PANK1: variants seen among roughly 807,000 people sequenced by gnomAD.
PANK1 encodes pantothenic acid kinase 1.
A neutral mutation model predicts 40.1 loss-of-function variants in PANK1; 18 were observed. The observed-to-expected ratio is 0.45, with a 90% CI of 0.31 to 0.67. The LOEUF is 0.67. Among genes scored for constraint, PANK1 ranks in the 30% least tolerant of loss-of-function variants. The pLI is 0.06. For missense variants in PANK1, 457 were observed against 599.6 expected (o/e 0.76, Z 2.48); for synonymous variants, 242 against 237.7 (o/e 1.02, Z -0.17).
At chr10:89,628,868 T>G (rs766005255) in intron 1 of PANK1, among the ~76,000 whole-genome samples, 1 of 152,220 alleles carries the variant, frequency 6.6e-6, no homozygotes, top group Non-Finnish European at 1.5e-5. Context: ...TCACTGTACA[T>G]TGATGTCCTC....
chr10:89,626,161 G>A (rs551150963), intron 1 of PANK1: 3 of 152,334 alleles, frequency 2.0e-5, no homozygotes, highest in Admixed American at 2.0e-4. Context: ...TTCTCACGCT[G>A]TGCAGAGGAG....
chr10:89,639,489 T>C (rs1413241795), intron 1 of PANK1, among the ~76,000 whole-genome samples: 4 of 152,194 alleles, frequency 2.6e-5, no homozygotes, highest in African/African-American at 9.7e-5. Flanking sequence ...ATACTTGATA[T>C]ACATTTTCCA....
chr10:89,633,718 C>T (rs1480234442), intron 1 of PANK1, among the ~76,000 whole-genome samples: 2 of 152,034 alleles, frequency 1.3e-5, no homozygotes, highest in Non-Finnish European at 2.9e-5. Flanking sequence ...CACATGAAAC[C>T]AAATATCACA....
chr10:89,599,138 C>G (rs1286520424), intron 3 of PANK1, 114 bp downstream of exon 3: 36 of 970,608 alleles, frequency 3.7e-5, no homozygotes, highest in Non-Finnish European at 5.1e-5. Context: ...TTTTGGTTGG[C>G]CAAGGAGGCC....
Position 89,583,163 on chromosome 10 carries a change from A to G in PANK1, c.*1243T>C, listed in dbSNP as rs1037329896. ...AAAATCCCTTTCAACAATAAGCTCA[A>G]TACACAAGATCATGGGATCTCATGC... On this transcript the variant is annotated 3_prime_UTR_variant, in exon 7 of 7. Transcript: ENST00000307534. 4 of 152,172 alleles carry G rather than the reference A, an allele frequency of 2.6e-5. No individual in the cohort carries two copies. The highest frequency in any genetic ancestry group is 5.9e-5 in the Non-Finnish European group (4 of 68,004). The allele number at this position is 152,172 out of a possible 1,614,324, so 9.4% of individuals were successfully genotyped here.
intron 1 of PANK1, among the ~76,000 whole-genome samples, chr10:89,629,271 C>A (rs995186055): frequency 1.3e-5 from 2 of 152,190 alleles, no homozygotes; most frequent in African/African-American, 2.4e-5. Flanking sequence ...GGGGTTATCA[C>A]TGGCATCCCC....
intron 1 of PANK1, among the ~76,000 whole-genome samples, chr10:89,628,630 T>C (rs1277332370): frequency 6.6e-6 from 1 of 152,224 alleles, no homozygotes; most frequent in Non-Finnish European, 1.5e-5. Flanking sequence ...CTAAAAACCA[T>C]AGAATTGCAT....
At position 89,599,614 on chromosome 10, in the gene PANK1, GAC is replaced by G; in HGVS notation, c.646-111_646-110del. ...GGGTCATTCACATGAAAAGCATGGA[GAC>G]ACCCTTAAAACAAGTTGTAAAATCT... On this transcript the variant is annotated intron_variant, in intron 2 of 6. Transcript: ENST00000307534. 7 of 1,064,582 alleles carry G rather than the reference GAC, an allele frequency of 6.6e-6. No individual in the cohort carries two copies. The South Asian group carries it at 1.1e-4, about 17-fold the overall frequency. The allele number at this position is 1,064,582 out of a possible 1,614,324, so 65.9% of individuals were successfully genotyped here.
intron 3 of PANK1, among the ~76,000 whole-genome samples, chr10:89,595,944 A>G (rs1434770756): frequency 6.8e-6 from 1 of 147,110 alleles, no homozygotes; most frequent in East Asian, 2.0e-4. Context: ...GTTTTCATGG[A>G]AAATTATGTA....
chr10:89,584,807 C>T (rs1450242753), intron 6 of PANK1, among the ~76,000 whole-genome samples: 1 of 152,090 alleles, frequency 6.6e-6, no homozygotes, highest in African/African-American at 2.4e-5. Context: ...AAGTAAATTA[C>T]CCTTGCAGGG....
chr10:89,609,771 G>A (rs1346239583), intron 2 of PANK1, among the ~76,000 whole-genome samples: 2 of 152,198 alleles, frequency 1.3e-5, no homozygotes, highest in South Asian at 2.1e-4. Flanking sequence ...AAGGAGGAAA[G>A]GCTTCTTTAT....
chr10:89,643,970 C>T (rs1842036933), intron 1 of PANK1: 3 of 849,966 alleles, frequency 3.5e-6, no homozygotes, highest in Admixed American at 3.3e-5. Flanking sequence ...ACCTCCAATC[C>T]TCATTGGTCC....
chr10:89,609,120 A>C (rs946258222), intron 2 of PANK1, among the ~76,000 whole-genome samples: 1 of 152,210 alleles, frequency 6.6e-6, no homozygotes, highest in African/African-American at 2.4e-5. Flanking sequence ...GCTGGAGTGC[A>C]ATGGCACGAT....
At chr10:89,637,322 T>G (rs1281867477) in intron 1 of PANK1, among the ~76,000 whole-genome samples, 1 of 152,126 alleles carries the variant, frequency 6.6e-6, no homozygotes, top group Non-Finnish European at 1.5e-5. Context: ...GACGGGTATT[T>G]TCAGAGAAAA....
chr10:89,631,084 C>A (rs1197349851), intron 1 of PANK1, among the ~76,000 whole-genome samples: 1 of 152,190 alleles, frequency 6.6e-6, no homozygotes, highest in Non-Finnish European at 1.5e-5. Flanking sequence ...TGCCTGTACA[C>A]CATTACCTAA....
chr10:89,588,593 G>A (rs1484607592), intron 6 of PANK1, 59 bp downstream of exon 6: 1 of 1,408,738 alleles, frequency 7.1e-7, no homozygotes, highest in Non-Finnish European at 9.4e-7. Flanking sequence ...CTGCTGATAT[G>A]TTAGCCAAAC....
chr10:89,582,943 A>G (rs1844081369), downstream of PANK1: 1 of 152,214 alleles, frequency 6.6e-6, no homozygotes, highest in African/African-American at 2.4e-5. Flanking sequence ...CAGATACTAT[A>G]AACATGAGAA....
At chr10:89,633,586 G>A (rs1222806251) in intron 1 of PANK1, among the ~76,000 whole-genome samples, 2 of 151,722 alleles carry the variant, frequency 1.3e-5, no homozygotes, top group Non-Finnish European at 2.9e-5. Flanking sequence ...TAGTAAACAG[G>A]TTCCACTAAT....
chr10:89,645,238 A>G lies in PANK1; in HGVS notation c.-347T>C. 2 of 1,603,392 alleles carry G rather than the reference A, an allele frequency of 1.2e-6. No homozygotes were observed. Among genetic ancestry groups the G allele is most frequent in the Non-Finnish European group, 1.7e-6 (2 of 1,175,558 alleles). On this transcript the variant is annotated 5_prime_UTR_variant, in exon 1 of 7. Transcript: ENST00000307534. ...TTCAAACGCGGCTTCCTCGCCTCCC[A>G]GACTGGTCCCCGCCACTGAGCATGC...
Sources: allele counts gnomAD v4.1 joint callset (sites outside exome capture counted in the v4.1 genomes callset), GRCh38; gene constraint gnomAD v4.1.1; transcripts MANE v1.5; gene names NCBI Gene and HGNC (gene_info 2026-07-23, HGNC 2026-07-21).